The following NETO2 variants were observed in gnomAD, a reference collection of about 807,000 sequenced individuals.
The protein encoded by NETO2 is neuropilin and tolloid like 2, also known as neuropilin and tolloid-like protein 2.
Under a neutral mutation model 62.5 loss-of-function variants are expected in NETO2, and 28 were observed. The ratio of observed to expected loss-of-function variants is 0.45; its 90% confidence interval spans 0.33 to 0.61. The LOEUF is 0.61. Ranked by LOEUF, NETO2 falls within the 20% of genes least tolerant of loss-of-function variation. The pLI, the probability that NETO2 is intolerant of heterozygous loss-of-function variation, is 0.02. For missense variants in NETO2, 548 were observed against 643.2 expected, an observed-to-expected ratio of 0.85 and a Z score of 1.60; for synonymous variants, 214 against 219.1, an observed-to-expected ratio of 0.98 and a Z score of 0.21.
intron 7 of NETO2, among the ~76,000 whole-genome samples, chr16:47,094,488 C>A (rs1169081975): frequency 6.6e-6 from 1 of 151,584 alleles, no homozygotes; most frequent in Non-Finnish European, 1.5e-5. Flanking sequence ...TGCAGTGGTG[C>A]AATGTTGGCT....
intron 7 of NETO2, among the ~76,000 whole-genome samples, chr16:47,108,088 T>C (rs1263431801): frequency 6.6e-6 from 1 of 152,018 alleles, no homozygotes; most frequent in Non-Finnish European, 1.5e-5. Context: ...AATAATAATA[T>C]TATTAATATT....
intron 2 of NETO2, among the ~76,000 whole-genome samples, chr16:47,130,454 A>AAT (rs1555499337): frequency 6.6e-6 from 1 of 150,632 alleles, no homozygotes; most frequent in African/African-American, 2.4e-5. Flanking sequence ...ATAAATAAAT[A>AAT]AATAATAATA....
intron 7 of NETO2, among the ~76,000 whole-genome samples, chr16:47,103,805 T>TA (rs368652219): frequency 4.6e-5 from 7 of 152,218 alleles, no homozygotes; most frequent in Admixed American, 4.6e-4. Flanking sequence ...AATGAATTTT[T>TA]AAAAAAGCAT....
chr16:47,118,787 A>C (rs923485685), intron 6 of NETO2, among the ~76,000 whole-genome samples: 2 of 152,230 alleles, frequency 1.3e-5, no homozygotes, highest in Non-Finnish European at 1.5e-5. Flanking sequence ...CAGACATTAA[A>C]TCATTGCATC....
chr16:47,123,631 A>G (rs755163271), intron 4 of NETO2, among the ~76,000 whole-genome samples: 3 of 152,222 alleles, frequency 2.0e-5, no homozygotes, highest in Non-Finnish European at 4.4e-5. Flanking sequence ...CTGTGTATAT[A>G]CCTAACAGCC....
rs184026263 is a variant in NETO2, at chr16:47,137,442, C to T, written c.35-5417G>A. ...AACAGTGAGAGGTGGCCTTTTCCCTCCTTTGGTAGTGGCAGGAGACATGTT... is the reference window on the plus strand; with the variant it reads ...AACAGTGAGAGGTGGCCTTTTCCCTTCTTTGGTAGTGGCAGGAGACATGTT... On this transcript the variant is annotated intron_variant, in intron 1 of 8. Transcript: ENST00000562435. Among the ~76,000 whole-genome samples, 283 of 152,258 alleles carry T rather than the reference C, an allele frequency of 1.9e-3. 1 individual carries two copies. The highest frequency in any genetic ancestry group is 6.5e-3 in the African/African-American group (271 of 41,548).
intron 1 of NETO2, among the ~76,000 whole-genome samples, chr16:47,142,520 T>G (rs2151498007): frequency 6.6e-6 from 1 of 152,338 alleles, no homozygotes; most frequent in African/African-American, 2.4e-5. Context: ...TAAGATACAG[T>G]GCTGAGTTAT....
At chr16:47,108,894 T>TA (rs1963729147) in intron 7 of NETO2, among the ~76,000 whole-genome samples, 1 of 152,172 alleles carries the variant, frequency 6.6e-6, no homozygotes, top group Non-Finnish European at 1.5e-5. Context: ...TAAAGTTATT[T>TA]AAAAAGAAAA....
At chr16:47,120,993 G>A (rs950296513) in intron 6 of NETO2, among the ~76,000 whole-genome samples, 7 of 151,968 alleles carry the variant, frequency 4.6e-5, no homozygotes, top group Non-Finnish European at 8.8e-5. Flanking sequence ...GTCAACATCC[G>A]GGCATCAGAC....
intron 2 of NETO2, among the ~76,000 whole-genome samples, chr16:47,129,646 G>A (rs1338337367): frequency 1.5e-4 from 23 of 152,168 alleles, no homozygotes; most frequent in Admixed American, 1.4e-3. Flanking sequence ...TGCTAAGTCA[G>A]TAAGATGCAA....
At chr16:47,091,902 C>T (rs1026634044) in intron 7 of NETO2, among the ~76,000 whole-genome samples, 33 of 151,812 alleles carry the variant, frequency 2.2e-4, no homozygotes, top group African/African-American at 7.0e-4. Context: ...AATGCAGTGG[C>T]ATGATTCACA....
intron 6 of NETO2, among the ~76,000 whole-genome samples, chr16:47,116,158 T>C (rs76318645): frequency 1.5e-4 from 22 of 148,938 alleles, no homozygotes; most frequent in East Asian, 9.8e-4. Flanking sequence ...TTTTTTTTTT[T>C]CTAAGAGACA....
chr16:47,103,778 AACT>A (rs1281310401), intron 7 of NETO2, among the ~76,000 whole-genome samples: 2 of 152,320 alleles, frequency 1.3e-5, no homozygotes, highest in East Asian at 1.9e-4. Context: ...AAGGGAAAAA[AACT>A]ACATGATGAA....
intron 1 of NETO2, among the ~76,000 whole-genome samples, chr16:47,134,650 T>C (rs1029377401): frequency 3.3e-5 from 5 of 152,164 alleles, no homozygotes; most frequent in Admixed American, 2.0e-4. Flanking sequence ...ATTTACCAGT[T>C]TGACATTTAC....
chr16:47,121,018 G>C (rs1355623238), intron 6 of NETO2, among the ~76,000 whole-genome samples: 3 of 152,074 alleles, frequency 2.0e-5, no homozygotes, highest in Non-Finnish European at 2.9e-5. Flanking sequence ...ACACTACAGA[G>C]TATCAGTTAT....
chr16:47,136,126 G>C (rs1203852739), intron 1 of NETO2, among the ~76,000 whole-genome samples: 1 of 152,060 alleles, frequency 6.6e-6, no homozygotes, highest in Non-Finnish European at 1.5e-5. Context: ...TGAAGACTTT[G>C]TTATACTGGC....
chr16:47,098,625 C>T, intron 7 of NETO2, among the ~76,000 whole-genome samples: 1 of 152,130 alleles, frequency 6.6e-6, no homozygotes, highest in Non-Finnish European at 1.5e-5. Context: ...TCCAAGAGAA[C>T]TTCCCCAACC....
chr16:47,122,618 T>G, intron 6 of NETO2, 39 bp downstream of exon 6: 1 of 1,598,026 alleles, frequency 6.3e-7, no homozygotes, highest in Non-Finnish European at 8.5e-7. Flanking sequence ...TGCCTTATCA[T>G]GATGTTCTTC....
At chr16:47,127,728 G>C (rs1045383118) in intron 4 of NETO2, among the ~76,000 whole-genome samples, 6 of 152,174 alleles carry the variant, frequency 3.9e-5, no homozygotes, top group African/African-American at 1.4e-4. Context: ...CAAATTTGAG[G>C]TAATTAGTTA....
Sources: gnomAD v4.1 joint callset for allele counts (sites outside exome capture counted in the v4.1 genomes callset) on GRCh38, gnomAD v4.1.1 for gene constraint, MANE v1.5 for transcripts, NCBI Gene and HGNC (gene_info 2026-07-23, HGNC 2026-07-21) for gene names.